WDR17: variants seen among roughly 807,000 people sequenced by gnomAD.
WDR17 encodes the protein WD repeat domain 17, also known as WD repeat-containing protein 17.
Under a neutral mutation model 161.7 loss-of-function variants are expected in WDR17, and 143 were observed. That is an observed-to-expected ratio of 0.88 (90% CI 0.77 to 1.02). The LOEUF (loss-of-function observed/expected upper bound fraction) is 1.02, where lower values mean the gene tolerates loss of function less well. Among genes scored for constraint, WDR17 ranks in the 50% least tolerant of loss-of-function variants. The pLI, the probability that WDR17 is intolerant of heterozygous loss-of-function variation, is 0.00. For missense variants in WDR17, 1,469 were observed against 1,520.9 expected (o/e 0.97, Z 0.57); for synonymous variants, 517 against 515.6 (o/e 1.00, Z -0.04).
At chr4:176,110,151 A>C (rs1408038331) in intron 1 of WDR17, among the ~76,000 whole-genome samples, 1 of 151,300 alleles carries the variant, frequency 6.6e-6, no homozygotes, top group Non-Finnish European at 1.5e-5. Flanking sequence ...ATTTATTTTT[A>C]TTTTTTTTGA....
At chr4:176,089,485 T>C (rs77135555) in intron 1 of WDR17, among the ~76,000 whole-genome samples, 2,163 of 152,288 alleles carry the variant, frequency 0.014, 26 homozygotes, top group African/African-American at 0.04. Flanking sequence ...GGGTCTCTCC[T>C]ATACCCCTAA....
intron 1 of WDR17, among the ~76,000 whole-genome samples, chr4:176,101,647 A>C (rs931393895): frequency 1.3e-5 from 2 of 152,204 alleles, no homozygotes; most frequent in African/African-American, 2.4e-5. Flanking sequence ...TCCAATAAAA[A>C]AGACAGCCAT....
chr4:176,098,809 ATATC>A (rs1017195301), intron 1 of WDR17, among the ~76,000 whole-genome samples: 4 of 151,958 alleles, frequency 2.6e-5, no homozygotes, highest in Non-Finnish European at 5.9e-5. Context: ...ATTTTAAAAA[ATATC>A]TATTTTTTTT....
At chr4:176,171,196 A>G (rs951370923) in intron 23 of WDR17, among the ~76,000 whole-genome samples, 17 of 152,224 alleles carry the variant, frequency 1.1e-4, no homozygotes, top group African/African-American at 4.1e-4. Context: ...CTATATATTC[A>G]CATATGAGGT....
chr4:176,161,635 T>C (rs1392261894), intron 20 of WDR17, among the ~76,000 whole-genome samples: 1 of 152,180 alleles, frequency 6.6e-6, no homozygotes, highest in Admixed American at 6.6e-5. Flanking sequence ...GCAAATAATG[T>C]GTTGGGAATA....
At position 176,128,722 on chromosome 4, in the gene WDR17, T is replaced by C. The variant is rs776036117; in HGVS notation, c.791-16T>C. 3 of 1,592,990 alleles carry C rather than the reference T, an allele frequency of 1.9e-6. No homozygotes were observed. Among genetic ancestry groups the C allele is most frequent in the Non-Finnish European group, 2.6e-6 (3 of 1,174,418 alleles). On this transcript the variant is annotated splice_polypyrimidine_tract_variant and intron_variant, in intron 5 of 28. Transcript: ENST00000508596. ...ACAAAACTTGTTAAAATGTGCTTTTTCCCTGATCTGACTAGATTCTCAAGT... is the reference window on the plus strand; with the variant it reads ...ACAAAACTTGTTAAAATGTGCTTTTCCCCTGATCTGACTAGATTCTCAAGT...
chr4:176,122,130 A>G (rs766515407), intron 4 of WDR17, among the ~76,000 whole-genome samples: 2 of 152,166 alleles, frequency 1.3e-5, no homozygotes, highest in Non-Finnish European at 2.9e-5. Flanking sequence ...CAAAGAAAGG[A>G]TCTGTTCCAG....
At chr4:176,119,541 A>G (rs1741204877) in intron 3 of WDR17, among the ~76,000 whole-genome samples, 1 of 152,208 alleles carries the variant, frequency 6.6e-6, no homozygotes, top group Non-Finnish European at 1.5e-5. Flanking sequence ...CTTATATACA[A>G]ATACACAGTA....
chr4:176,176,785 C>T (rs1332709734), intron 26 of WDR17, among the ~76,000 whole-genome samples: 1 of 148,112 alleles, frequency 6.8e-6, no homozygotes, highest in Non-Finnish European at 1.5e-5. Flanking sequence ...AACCATTCTT[C>T]ATACATTATG....
chr4:176,137,160 A>C (rs1744548192), intron 8 of WDR17, among the ~76,000 whole-genome samples: 1 of 151,526 alleles, frequency 6.6e-6, no homozygotes, highest in East Asian at 1.9e-4. Context: ...TTGAAGAATT[A>C]TTGTTAATAT....
At chr4:176,171,677 A>G (rs1396284348) in intron 23 of WDR17, among the ~76,000 whole-genome samples, 1 of 152,202 alleles carries the variant, frequency 6.6e-6, no homozygotes, top group Non-Finnish European at 1.5e-5. Flanking sequence ...ACACATCAGA[A>G]TTTGATATAA....
Position 176,135,156 on chromosome 4 carries a change from A to C in WDR17, c.1147A>C (p.Asn383His). ...FDCKFKPDDP[N>H]LLATASFDGT... is the part of the protein sequence containing the mutation. ...CTGCAAATTCAAACCTGACGATCCT[A>C]ATCTTTTAGCAACAGCTTCATTTGA... The change falls in exon 8 of 29, where the codon AAT (asparagine) becomes CAT (histidine). Residue 383 changes from asparagine (N) to histidine (H), a missense_variant. Asn to His is a moderately conservative substitution (Grantham distance 68). Transcript: ENST00000508596. 1 of 1,612,298 alleles carries C rather than the reference A, an allele frequency of 6.2e-7. No homozygotes were observed. The highest frequency in any genetic ancestry group is 8.5e-7 in the Non-Finnish European group (1 of 1,178,638).
chr4:176,120,033 TACAC>T lies in WDR17; in HGVS notation c.477_480del (p.His160LysfsTer28). ...CTGATATCTGTATGTTCAGATGGCATACACACCAAAAGGGGAAAGTTGTGTTTGG... is the reference window on the plus strand; with the variant it reads ...CTGATATCTGTATGTTCAGATGGCATACCAAAAGGGGAAAGTTGTGTTTGG... On this transcript the variant is annotated frameshift_variant, in exon 4 of 29. Transcript: ENST00000508596. LOFTEE classifies it high-confidence loss of function. 6.2e-7 allele frequency: 1 copy of T among 1,614,068 alleles called. No homozygotes were observed. The highest frequency in any genetic ancestry group is 1.7e-5 in the Admixed American group (1 of 60,004).
intron 9 of WDR17, 138 bp downstream of exon 9, chr4:176,137,749 C>A: frequency 2.2e-6 from 1 of 449,348 alleles, no homozygotes; most frequent in Non-Finnish European, 3.6e-6. Context: ...GAAGAAAATC[C>A]TAGAGAATAC....
intron 4 of WDR17, among the ~76,000 whole-genome samples, chr4:176,124,316 G>A (rs922068794): frequency 6.6e-6 from 1 of 152,108 alleles, no homozygotes; most frequent in Non-Finnish European, 1.5e-5. Flanking sequence ...ATTTCCAGTT[G>A]TGTACATAAA....
chr4:176,103,517 G>A (rs181578463), intron 1 of WDR17, among the ~76,000 whole-genome samples: 385 of 152,040 alleles, frequency 2.5e-3, no homozygotes, highest in Non-Finnish European at 4.4e-3. Flanking sequence ...CAACTGTCTT[G>A]GGATGCTTAA....
At chr4:176,135,056 A>C in intron 7 of WDR17, 52 bp from the exon 8 acceptor site, 1 of 1,552,688 alleles carries the variant, frequency 6.4e-7, no homozygotes. Context: ...TTCATCTATT[A>C]ATAATGTGAA....
chr4:176,125,399 A>G (rs1337393926), intron 5 of WDR17, 44 bp downstream of exon 5: 1 of 1,574,094 alleles, frequency 6.4e-7, no homozygotes, highest in Admixed American at 1.9e-5. Flanking sequence ...ACGTGTATAT[A>G]TTCTTTCGTT....
At position 176,179,889 on chromosome 4, in the gene WDR17, A is replaced by G. The variant is rs1363182371; in HGVS notation, c.*310A>G. 6.4e-6 allele frequency: 1 copy of G among 156,724 alleles called. No individual in the cohort carries two copies. Among genetic ancestry groups the G allele is most frequent in the Non-Finnish European group, 1.4e-5 (1 of 71,362 alleles). The allele number at this position is 156,724 out of a possible 1,614,324, so 9.7% of individuals were successfully genotyped here. ...TTTCACACAGCATAAAAGATACCAA[A>G]ATATCATATGGTTGAAATATTGAAA... On this transcript the variant is annotated 3_prime_UTR_variant, in exon 29 of 29. Coordinates refer to ENST00000508596, the MANE Select transcript of WDR17 (RefSeq NM_181265.4).
Sources: gnomAD v4.1 joint callset for allele counts (sites outside exome capture counted in the v4.1 genomes callset) on GRCh38, gnomAD v4.1.1 for gene constraint, MANE v1.5 for transcripts, NCBI Gene and HGNC (gene_info 2026-07-23, HGNC 2026-07-21) for gene names.